The following CLVS1 variants were observed in gnomAD, a reference collection of about 807,000 sequenced individuals.
CLVS1 encodes the protein clavesin-1.
A neutral mutation model predicts 33.1 loss-of-function variants in CLVS1; 10 were observed. The ratio of observed to expected loss-of-function variants is 0.30; its 90% CI spans 0.19 to 0.51. CLVS1 has a LOEUF of 0.51. Among genes scored for constraint, CLVS1 ranks in the 20% least tolerant of loss-of-function variants. The pLI is 0.97. For missense variants in CLVS1, 343 were observed against 433.4 expected, an observed-to-expected ratio of 0.79 and a Z score of 1.85; for synonymous variants, 163 against 166.1, an observed-to-expected ratio of 0.98 and a Z score of 0.14.
chr8:61,203,183 C>G (rs1409737117), intron 2 of CLVS1: 2 of 1,127,746 alleles, frequency 1.8e-6, no homozygotes, highest in Non-Finnish European at 1.3e-6. Flanking sequence ...GATGACTGAC[C>G]AAGAGGCTAT....
At chr8:61,039,994 C>T in the CLVS1 span, among the ~76,000 whole-genome samples, 9 of 152,140 alleles carry the variant, frequency 5.9e-5, no homozygotes, top group South Asian at 2.1e-4. Context: ...TGACCCTCTC[C>T]GCCTCACTCC....
chr8:61,027,957 C>T, the CLVS1 span, among the ~76,000 whole-genome samples: 1 of 152,168 alleles, frequency 6.6e-6, no homozygotes, highest in Non-Finnish European at 1.5e-5. Context: ...ATTAAGCAAT[C>T]AAGAGAATAT....
At chr8:61,332,859 T>C (rs1464863856) in intron 2 of CLVS1, among the ~76,000 whole-genome samples, 1 of 152,172 alleles carries the variant, frequency 6.6e-6, no homozygotes, top group Non-Finnish European at 1.5e-5. Context: ...GGTCTTGAAC[T>C]CCTGACCTCA....
At position 61,339,226 on chromosome 8, in the gene CLVS1, C is replaced by T. The variant is rs557403819; in HGVS notation, c.456-37379C>T. On this transcript the variant is annotated intron_variant, in intron 2 of 5. Coordinates refer to ENST00000325897, the MANE Select transcript of CLVS1 (RefSeq NM_173519.3). ...GAGGAAACAGGAGAAGCATGGTGGTCGAGTGAGAACACATATCCGACCCCT... is the reference window on the plus strand; with the variant it reads ...GAGGAAACAGGAGAAGCATGGTGGTTGAGTGAGAACACATATCCGACCCCT... 9.5e-4 allele frequency among the ~76,000 whole-genome samples: 145 copies of T among 152,198 alleles called. 1 individual carries two copies. Among genetic ancestry groups the T allele is most frequent in the Middle Eastern group, 3.4e-3 (1 of 294 alleles).
intron 5 of CLVS1, among the ~76,000 whole-genome samples, chr8:61,473,618 G>A (rs1377745785): frequency 6.6e-6 from 1 of 152,186 alleles, no homozygotes. Context: ...CTACAGTAAT[G>A]GTGCATGTAG....
At chr8:61,320,992 T>TA (rs955870456) in intron 2 of CLVS1, among the ~76,000 whole-genome samples, 3 of 152,084 alleles carry the variant, frequency 2.0e-5, no homozygotes, top group African/African-American at 7.2e-5. Context: ...TTCATTCACT[T>TA]AAAAAAAACT....
intron 2 of CLVS1, among the ~76,000 whole-genome samples, chr8:61,313,953 G>A (rs997596487): frequency 3.9e-5 from 6 of 152,166 alleles, no homozygotes; most frequent in African/African-American, 1.2e-4. Context: ...GGCTGTGTCC[G>A]CTATGTGACT....
Position 61,499,518 on chromosome 8 carries a change from C to G in CLVS1, c.1041C>G (p.Thr347=). The G allele has an allele frequency of 6.2e-7, 1 of 1,613,612 alleles. No individual in the cohort carries two copies. Among genetic ancestry groups the G allele is most frequent in the East Asian group, 2.2e-5 (1 of 44,828 alleles). Residue 347 remains threonine, a synonymous_variant, in exon 6 of 6, where the codon ACC becomes ACG. Transcript: ENST00000325897. ...AGGAGAAGGGAGAGAATGAGAACAC[C>G]CAGCCACTCCTGGCTCTGGACTGAA... ...KHEEKGENEN[T]QPLLALD
At chr8:61,447,354 T>C (rs1263036655) in intron 3 of CLVS1, among the ~76,000 whole-genome samples, 1 of 152,082 alleles carries the variant, frequency 6.6e-6, no homozygotes, top group African/African-American at 2.4e-5. Context: ...TTAATTGGTA[T>C]ACTTAGATCA....
chr8:61,244,334 T>C (rs1205587415), intron 2 of CLVS1, among the ~76,000 whole-genome samples: 1 of 152,198 alleles, frequency 6.6e-6, no homozygotes, highest in Non-Finnish European at 1.5e-5. Context: ...TTAATTGCAC[T>C]TTGGACAGAA....
At chr8:60,978,344 G>A in the CLVS1 span, among the ~76,000 whole-genome samples, 1 of 152,174 alleles carries the variant, frequency 6.6e-6, no homozygotes, top group Non-Finnish European at 1.5e-5. Flanking sequence ...ATGATTATAT[G>A]TTAATGGGCA....
At chr8:61,156,170 C>T (rs1442769640) in intron 2 of CLVS1, among the ~76,000 whole-genome samples, 12 of 80,966 alleles carry the variant, frequency 1.5e-4, no homozygotes, top group South Asian at 3.5e-4. Context: ...TTCAAAATGG[C>T]GCCATTGCAT....
chr8:61,369,676 C>T (rs1813354741), intron 2 of CLVS1, among the ~76,000 whole-genome samples: 1 of 152,178 alleles, frequency 6.6e-6, no homozygotes. Context: ...ATAGTGCTAG[C>T]GATAACCCTA....
At chr8:61,473,206 C>A (rs1279102335) in intron 5 of CLVS1, among the ~76,000 whole-genome samples, 2 of 151,788 alleles carry the variant, frequency 1.3e-5, no homozygotes, top group African/African-American at 4.8e-5. Context: ...GAGCAAACAC[C>A]CTGCATTTGG....
At chr8:61,288,195 C>T (rs372097615) in intron 1 of CLVS1, 57 bp downstream of exon 1, 4 of 456,344 alleles carry the variant, frequency 8.8e-6, no homozygotes, top group South Asian at 4.6e-5. Context: ...GCCTTTCCCC[C>T]GCTCTTTCGA....
At chr8:61,388,348 C>G (rs1174898078) in intron 3 of CLVS1, among the ~76,000 whole-genome samples, 2 of 149,058 alleles carry the variant, frequency 1.3e-5, no homozygotes, top group Non-Finnish European at 3.0e-5. Context: ...GACAGGAACA[C>G]CATGACATAA....
At chr8:61,351,941 C>A (rs1812484893) in intron 2 of CLVS1, among the ~76,000 whole-genome samples, 1 of 151,816 alleles carries the variant, frequency 6.6e-6, no homozygotes, top group Admixed American at 6.6e-5. Flanking sequence ...AAAGAAATTT[C>A]TTTAAATGGA....
At chr8:60,984,613 C>T in the CLVS1 span, among the ~76,000 whole-genome samples, 2 of 152,296 alleles carry the variant, frequency 1.3e-5, no homozygotes, top group East Asian at 3.9e-4. Context: ...CAGGCGTGAG[C>T]CACCGTGCCT....
chr8:61,202,338 G>A (rs573821182), intron 2 of CLVS1: 143 of 724,796 alleles, frequency 2.0e-4, no homozygotes, highest in Middle Eastern at 1.2e-3. Context: ...ACCTAAGTGC[G>A]TGCTGCCTCC....
Sources: allele counts gnomAD v4.1 joint callset (sites outside exome capture counted in the v4.1 genomes callset), GRCh38; gene constraint gnomAD v4.1.1; transcripts MANE v1.5; gene names NCBI Gene and HGNC (gene_info 2026-07-23, HGNC 2026-07-21).